Variants in GALNT13 observed in about 807,000 individuals in gnomAD.
GALNT13 encodes UDP-GalNAc:polypeptide N-acetylgalactosaminyltransferase 13.
A neutral mutation model predicts 64.2 loss-of-function variants in GALNT13; 28 were observed. The ratio of observed to expected loss-of-function variants is 0.44; its 90% CI spans 0.32 to 0.60. The LOEUF is 0.60. Ranked by LOEUF, GALNT13 falls within the 20% of genes least tolerant of loss-of-function variation. GALNT13 has a pLI of 0.05. For missense variants in GALNT13, 577 were observed against 669.8 expected, an observed-to-expected ratio of 0.86 and a Z score of 1.53; for synonymous variants, 214 against 224.6, an observed-to-expected ratio of 0.95 and a Z score of 0.42.
At chr2:153,577,083 C>T in the GALNT13 span, among the ~76,000 whole-genome samples, 1 of 152,080 alleles carries the variant, frequency 6.6e-6, no homozygotes, top group Non-Finnish European at 1.5e-5. Context: ...TATTTCCCTG[C>T]TCCTCTAATG....
the GALNT13 span, among the ~76,000 whole-genome samples, chr2:153,492,955 G>A: frequency 6.6e-6 from 1 of 151,544 alleles, no homozygotes; most frequent in African/African-American, 2.4e-5. Context: ...TGGGTCAAAC[G>A]GAAAAAAAGA....
the GALNT13 span, among the ~76,000 whole-genome samples, chr2:153,151,413 T>A: frequency 6.6e-6 from 1 of 152,138 alleles, no homozygotes; most frequent in East Asian, 1.9e-4. Context: ...ATTGTGGAAG[T>A]CAGTGTGGCG....
At chr2:153,567,135 T>C in the GALNT13 span, among the ~76,000 whole-genome samples, 2 of 152,244 alleles carry the variant, frequency 1.3e-5, no homozygotes, top group East Asian at 1.9e-4. Context: ...GTAAAGATTG[T>C]CAAGGATGGG....
At chr2:153,395,822 A>G in the GALNT13 span, among the ~76,000 whole-genome samples, 1 of 152,126 alleles carries the variant, frequency 6.6e-6, no homozygotes, top group African/African-American at 2.4e-5. Context: ...CTAGTGAAGA[A>G]TGGACTAGGG....
At chr2:153,285,301 A>C in the GALNT13 span, among the ~76,000 whole-genome samples, 1 of 152,188 alleles carries the variant, frequency 6.6e-6, no homozygotes, top group East Asian at 1.9e-4. Flanking sequence ...ATTACAATCA[A>C]GGTGAGAGTT....
chr2:153,747,467 G>A, the GALNT13 span, among the ~76,000 whole-genome samples: 3 of 115,728 alleles, frequency 2.6e-5, no homozygotes, highest in East Asian at 5.6e-4. Context: ...TCTCACTCTC[G>A]CCCAGGCTGG....
chr2:153,678,785 T>C, the GALNT13 span, among the ~76,000 whole-genome samples: 4 of 151,962 alleles, frequency 2.6e-5, no homozygotes. Flanking sequence ...TGAAAGAGTA[T>C]GGTTTAAATA....
the GALNT13 span, among the ~76,000 whole-genome samples, chr2:153,328,618 G>A: frequency 5.3e-5 from 8 of 152,128 alleles, no homozygotes; most frequent in South Asian, 4.1e-4. Context: ...GGGGAAACCC[G>A]TCTACTCAAG....
intron 8 of GALNT13, among the ~76,000 whole-genome samples, chr2:154,264,978 A>T (rs6742090): frequency 0.95 from 142,742 of 150,212 alleles, 68,105 homozygotes; most frequent in Non-Finnish European, 1. Flanking sequence ...GATAAAAAAA[A>T]ATATATATAT....
At chr2:153,798,926 T>A in the GALNT13 span, among the ~76,000 whole-genome samples, 1 of 152,304 alleles carries the variant, frequency 6.6e-6, no homozygotes, top group Non-Finnish European at 1.5e-5. Context: ...ATGTTACAAA[T>A]GTTTGTGTAT....
chr2:153,242,943 G>A, the GALNT13 span, among the ~76,000 whole-genome samples: 6 of 152,180 alleles, frequency 3.9e-5, no homozygotes, highest in Non-Finnish European at 8.8e-5. Flanking sequence ...ATTAGCTGAT[G>A]GTTTTGACTT....
At chr2:153,579,378 T>C in the GALNT13 span, among the ~76,000 whole-genome samples, 1 of 152,122 alleles carries the variant, frequency 6.6e-6, no homozygotes, top group Non-Finnish European at 1.5e-5. Context: ...ATAAAACTTA[T>C]TGTTAAGCCA....
At chr2:153,839,839 T>G in the GALNT13 span, among the ~76,000 whole-genome samples, 1 of 151,962 alleles carries the variant, frequency 6.6e-6, no homozygotes, top group Non-Finnish European at 1.5e-5. Flanking sequence ...TCTAAAAGAC[T>G]TAGGACTTCA....
At chr2:153,649,905 T>C in the GALNT13 span, among the ~76,000 whole-genome samples, 1 of 152,308 alleles carries the variant, frequency 6.6e-6, no homozygotes, top group East Asian at 1.9e-4. Context: ...AATTTTGGAA[T>C]AGGTGTGGTG....
chr2:154,101,414 C>A (rs1251922291), intron 3 of GALNT13, among the ~76,000 whole-genome samples: 1 of 151,814 alleles, frequency 6.6e-6, no homozygotes, highest in Admixed American at 6.6e-5. Context: ...GTATCCATTT[C>A]TTTAAGTTTT....
chr2:153,962,317 C>T (rs1008094581), intron 3 of GALNT13, among the ~76,000 whole-genome samples: 1 of 151,992 alleles, frequency 6.6e-6, no homozygotes, highest in African/African-American at 2.4e-5. Context: ...GAGAGTAAAG[C>T]GAGTTCTAGA....
At chr2:153,969,733 C>T (rs1281385060) in intron 3 of GALNT13, among the ~76,000 whole-genome samples, 1 of 152,112 alleles carries the variant, frequency 6.6e-6, no homozygotes, top group Non-Finnish European at 1.5e-5. Flanking sequence ...AAAAATCTTT[C>T]TTTACTAGTT....
the GALNT13 span, among the ~76,000 whole-genome samples, chr2:153,361,278 G>C: frequency 6.6e-6 from 1 of 152,012 alleles, no homozygotes; most frequent in Non-Finnish European, 1.5e-5. Flanking sequence ...ATGAAAAAAC[G>C]CTGAAACCTA....
the GALNT13 span, among the ~76,000 whole-genome samples, chr2:153,168,168 C>T: frequency 1.3e-5 from 2 of 152,114 alleles, no homozygotes; most frequent in African/African-American, 2.4e-5. Context: ...CAAATGCTAC[C>T]TTAATTGATC....
Sources: allele counts gnomAD v4.1 joint callset (sites outside exome capture counted in the v4.1 genomes callset), GRCh38; gene constraint gnomAD v4.1.1; transcripts MANE v1.5; gene names NCBI Gene and HGNC (gene_info 2026-07-23, HGNC 2026-07-21).